Variants in WDR72 observed in about 807,000 individuals in gnomAD.
WDR72 encodes the protein WD repeat-containing protein 72.
A neutral mutation model predicts 124.2 loss-of-function variants in WDR72; 120 were observed. The ratio of observed to expected loss-of-function variants is 0.97; its 90% CI spans 0.83 to 1.12. The LOEUF (loss-of-function observed/expected upper bound fraction) is 1.12. WDR72 is among the 50% of genes most tolerant of loss of function. The probability of loss-of-function intolerance (pLI) is 0.00; values close to 1 mark genes in which losing one functional copy is unlikely to be tolerated. For synonymous variants in WDR72, 452 were observed against 441.7 expected (o/e 1.02, Z -0.29); for missense variants, 1,387 against 1,278.8 (o/e 1.08, Z -1.29).
At chr15:53,700,019 C>T in intron 12 of WDR72, 74 bp from the exon 13 acceptor site, 1 of 1,577,856 alleles carries the variant, frequency 6.3e-7, no homozygotes, top group Non-Finnish European at 8.7e-7. Flanking sequence ...ATTTTTTTCT[C>T]CCAGTAACAT....
At chr15:53,654,369 T>C (rs1369672218) in intron 14 of WDR72, among the ~76,000 whole-genome samples, 1 of 151,952 alleles carries the variant, frequency 6.6e-6, no homozygotes, top group East Asian at 1.9e-4. Flanking sequence ...GATAGAGAAG[T>C]AAGGGCCCAT....
At chr15:53,598,162 A>G (rs753120060) in intron 17 of WDR72, among the ~76,000 whole-genome samples, 1 of 152,148 alleles carries the variant, frequency 6.6e-6, no homozygotes, top group Non-Finnish European at 1.5e-5. Flanking sequence ...CTGCTGATAT[A>G]GACGAACTAG....
At chr15:53,718,611 ATAAGT>A (rs1248245332) in intron 3 of WDR72, among the ~76,000 whole-genome samples, 2 of 152,064 alleles carry the variant, frequency 1.3e-5, no homozygotes. Flanking sequence ...CTGGAACCAT[ATAAGT>A]TACATAGGTA....
intron 1 of WDR72, among the ~76,000 whole-genome samples, chr15:53,751,679 T>C (rs2018777568): frequency 6.6e-6 from 1 of 151,976 alleles, no homozygotes; most frequent in Non-Finnish European, 1.5e-5. Flanking sequence ...ATACATTTGC[T>C]GGTTTTGTGA....
intron 18 of WDR72, among the ~76,000 whole-genome samples, chr15:53,582,043 T>C (rs1429156933): frequency 6.6e-6 from 1 of 151,974 alleles, no homozygotes; most frequent in Non-Finnish European, 1.5e-5. Flanking sequence ...TTGTAATATA[T>C]AAAATGACTT....
chr15:53,590,548 T>C (rs2012444647), intron 18 of WDR72, among the ~76,000 whole-genome samples: 1 of 152,056 alleles, frequency 6.6e-6, no homozygotes, highest in Admixed American at 6.6e-5. Context: ...TTTCTGTAAC[T>C]GTCATACAGA....
At chr15:53,632,678 G>A (rs1310018216) in intron 14 of WDR72, among the ~76,000 whole-genome samples, 1 of 152,244 alleles carries the variant, frequency 6.6e-6, no homozygotes, top group Admixed American at 6.5e-5. Flanking sequence ...CCACAGGGGT[G>A]AAGCGGCCCA....
intron 13 of WDR72, among the ~76,000 whole-genome samples, chr15:53,674,707 A>G (rs2016105325): frequency 6.6e-6 from 1 of 152,232 alleles, no homozygotes; most frequent in Non-Finnish European, 1.5e-5. Context: ...AGGCCCTAAT[A>G]TGATAACAAA....
chr15:53,525,149 C>G (rs1892040883), intron 18 of WDR72, among the ~76,000 whole-genome samples: 1 of 152,018 alleles, frequency 6.6e-6, no homozygotes, highest in South Asian at 2.1e-4. Flanking sequence ...GTCATACTTA[C>G]AGATTATTTT....
chr15:53,526,733 C>A (rs1157228741), intron 18 of WDR72, among the ~76,000 whole-genome samples: 1 of 152,042 alleles, frequency 6.6e-6, no homozygotes, highest in Admixed American at 6.6e-5. Context: ...TTTGAAGGTG[C>A]ATTTCAGAGC....
intron 1 of WDR72, among the ~76,000 whole-genome samples, chr15:53,744,232 A>C (rs2018585726): frequency 6.6e-6 from 1 of 152,188 alleles, no homozygotes; most frequent in African/African-American, 2.4e-5. Flanking sequence ...GAAACTTTCA[A>C]CCTGGTGTAT....
intron 18 of WDR72, among the ~76,000 whole-genome samples, chr15:53,590,066 CTAGG>C (rs1409827294): frequency 6.6e-6 from 1 of 151,982 alleles, no homozygotes; most frequent in Non-Finnish European, 1.5e-5. Context: ...GTAATGTATT[CTAGG>C]TGCTAAATTA....
intron 13 of WDR72, among the ~76,000 whole-genome samples, chr15:53,692,794 A>C (rs1479750330): frequency 6.6e-6 from 1 of 152,222 alleles, no homozygotes; most frequent in African/African-American, 2.4e-5. Flanking sequence ...GATTCAAAAA[A>C]TGGTCAGTAA....
intron 18 of WDR72, among the ~76,000 whole-genome samples, chr15:53,578,992 T>C (rs1238177448): frequency 6.6e-6 from 1 of 152,024 alleles, no homozygotes; most frequent in Non-Finnish European, 1.5e-5. Flanking sequence ...GAAGAAATCG[T>C]TGCAAGAGAT....
chr15:53,702,415 A>G (rs544906210), intron 11 of WDR72, 61 bp from the exon 12 acceptor site: 1 of 1,383,604 alleles, frequency 7.2e-7, no homozygotes, highest in East Asian at 2.3e-5. Context: ...AATCGTCCCA[A>G]GATTCTCTTC....
At chr15:53,600,072 G>A (rs2012974789) in intron 17 of WDR72, among the ~76,000 whole-genome samples, 1 of 152,142 alleles carries the variant, frequency 6.6e-6, no homozygotes, top group Admixed American at 6.6e-5. Flanking sequence ...CTCAGTGTGA[G>A]ATGAGAGAAA....
intron 18 of WDR72, among the ~76,000 whole-genome samples, chr15:53,553,244 AG>A (rs1893808627): frequency 6.6e-6 from 1 of 152,154 alleles, no homozygotes; most frequent in Admixed American, 6.5e-5. Flanking sequence ...AGCAGATAAA[AG>A]GTCAGACAGC....
intron 15 of WDR72, among the ~76,000 whole-genome samples, chr15:53,614,451 C>G (rs1302160266): frequency 6.6e-6 from 1 of 152,076 alleles, no homozygotes; most frequent in African/African-American, 2.4e-5. Flanking sequence ...AGTAGAGAAG[C>G]AGTCTCTAAT....
At chr15:53,593,426 TTAAG>T (rs1451945006) in intron 18 of WDR72, among the ~76,000 whole-genome samples, 1 of 152,034 alleles carries the variant, frequency 6.6e-6, no homozygotes, top group Non-Finnish European at 1.5e-5. Context: ...AAAACCTCTC[TTAAG>T]TCTTAGTTTA....
Sources: allele counts gnomAD v4.1 joint callset (sites outside exome capture counted in the v4.1 genomes callset), GRCh38; gene constraint gnomAD v4.1.1; transcripts MANE v1.5; gene names NCBI Gene and HGNC (gene_info 2026-07-23, HGNC 2026-07-21).